CHRNA3: variants seen among roughly 807,000 people sequenced by gnomAD.
CHRNA3 encodes neuronal acetylcholine receptor subunit alpha-3.
A neutral mutation model predicts 41.9 loss-of-function variants in CHRNA3; 34 were observed. The observed-to-expected ratio is 0.81, with a 90% CI of 0.62 to 1.08. The LOEUF (loss-of-function observed/expected upper bound fraction) is 1.08, where lower values mean the gene tolerates loss of function less well. Among genes scored for constraint, CHRNA3 ranks in the 50% least tolerant of loss-of-function variants. The pLI is 0.00. For synonymous variants in CHRNA3, 281 were observed against 265.2 expected (o/e 1.06, Z -0.58); for missense variants, 542 against 638.3 (o/e 0.85, Z 1.63).
Position 78,617,136 on chromosome 15 carries a change from C to G in CHRNA3, c.268-3G>C. On this transcript the variant is annotated splice_polypyrimidine_tract_variant and splice_region_variant and intron_variant, in intron 3 of 5. Transcript: ENST00000326828. ...TTCAGCTTGTAGTCATTCCAGATCT[C>G]GGGGAAGGAAGCAGGGAGGGAGAAG... The G allele has an allele frequency of 6.3e-7, 1 of 1,595,900 alleles. No homozygotes were observed. Among genetic ancestry groups the G allele is most frequent in the Non-Finnish European group, 8.6e-7 (1 of 1,164,028 alleles).
intron 4 of CHRNA3, among the ~76,000 whole-genome samples, chr15:78,607,721 G>A (rs992368269): frequency 3.3e-5 from 5 of 152,230 alleles, no homozygotes; most frequent in African/African-American, 1.2e-4. Flanking sequence ...GACAGTGGGT[G>A]CAGGATAGTG....
chr15:78,620,826 C>T lies in CHRNA3; in HGVS notation c.-32G>A. 1.5e-6 allele frequency: 2 copies of T among 1,348,020 alleles called. No homozygotes were observed. Among genetic ancestry groups the T allele is most frequent in the Non-Finnish European group, 1.9e-6 (2 of 1,059,620 alleles). 83.5% of individuals were successfully genotyped at this position (1,348,020 alleles called of 1,614,324 possible). On this transcript the variant is annotated 5_prime_UTR_variant, in exon 1 of 6. Transcript: ENST00000326828. ...TGGCCGGGCTGGCCGCGGACCCGGA[C>T]GGTCGGGAGCGGGCGCGGCGGTCGC...
At chr15:78,598,742 G>T (rs1315566453) in intron 5 of CHRNA3, among the ~76,000 whole-genome samples, 1 of 152,008 alleles carries the variant, frequency 6.6e-6, no homozygotes. Flanking sequence ...TTTTATGTTG[G>T]CCAGGCTGGT....
chr15:78,601,030 T>A (rs1185487191), intron 5 of CHRNA3, among the ~76,000 whole-genome samples: 1 of 152,028 alleles, frequency 6.6e-6, no homozygotes, highest in Non-Finnish European at 1.5e-5. Context: ...GTGGCTAGCT[T>A]CAGGGTACCA....
intron 4 of CHRNA3, among the ~76,000 whole-genome samples, chr15:78,604,794 C>T (rs1197182616): frequency 2.0e-5 from 3 of 152,178 alleles, no homozygotes; most frequent in African/African-American, 7.2e-5. Context: ...GGGCAGATCA[C>T]CTGAGGTCAG....
intron 3 of CHRNA3, chr15:78,618,320 G>A (rs2053496330): frequency 2.7e-6 from 1 of 372,012 alleles, no homozygotes; most frequent in Non-Finnish European, 4.9e-6. Flanking sequence ...TTGGGGGCAG[G>A]GCTTCAATCT....
At chr15:78,601,036 T>A (rs1474218814) in intron 5 of CHRNA3, among the ~76,000 whole-genome samples, 1 of 151,976 alleles carries the variant, frequency 6.6e-6, no homozygotes, top group Admixed American at 6.6e-5. Context: ...AGCTTCAGGG[T>A]ACCACATACC....
intron 4 of CHRNA3, among the ~76,000 whole-genome samples, chr15:78,608,790 A>G (rs1170004987): frequency 1.3e-5 from 2 of 152,094 alleles, no homozygotes; most frequent in Non-Finnish European, 2.9e-5. Flanking sequence ...TCCAAGCTAC[A>G]GGAGGAAATT....
At chr15:78,615,806 A>T (rs1459351456) in intron 4 of CHRNA3, among the ~76,000 whole-genome samples, 1 of 130,868 alleles carries the variant, frequency 7.6e-6, no homozygotes, top group Non-Finnish European at 1.5e-5. Context: ...CAGTGGTGTG[A>T]TCTAGGTCAC....
At chr15:78,603,087 C>A (rs1351395097) in intron 4 of CHRNA3, among the ~76,000 whole-genome samples, 1 of 152,184 alleles carries the variant, frequency 6.6e-6, no homozygotes, top group Non-Finnish European at 1.5e-5. Flanking sequence ...TGCAGTAGCT[C>A]ACTACAATCT....
At chr15:78,608,768 C>T (rs1195912866) in intron 4 of CHRNA3, among the ~76,000 whole-genome samples, 10 of 151,856 alleles carry the variant, frequency 6.6e-5, no homozygotes, top group African/African-American at 2.2e-4. Context: ...AGGCTCCAGA[C>T]GACCAAAATA....
At chr15:78,608,023 G>T (rs2053322223) in intron 4 of CHRNA3, among the ~76,000 whole-genome samples, 1 of 152,212 alleles carries the variant, frequency 6.6e-6, no homozygotes, top group African/African-American at 2.4e-5. Context: ...GCTGGGGGAG[G>T]GGCGCCTGCC....
At chr15:78,611,966 A>G (rs941471345) in intron 4 of CHRNA3, among the ~76,000 whole-genome samples, 11 of 152,332 alleles carry the variant, frequency 7.2e-5, no homozygotes, top group African/African-American at 2.4e-4. Flanking sequence ...ACCATTCACA[A>G]TTGCTTCAAA....
At chr15:78,611,713 C>A (rs1454278257) in intron 4 of CHRNA3, among the ~76,000 whole-genome samples, 1 of 151,692 alleles carries the variant, frequency 6.6e-6, no homozygotes, top group African/African-American at 2.4e-5. Flanking sequence ...GTTGGAAGTT[C>A]TGGCCAGGGC....
At position 78,595,835 on chromosome 15, in the gene CHRNA3, A is replaced by AT. The variant is rs1240358702; in HGVS notation, c.*768dup. 1 of 154,160 alleles carries AT rather than the reference A, an allele frequency of 6.5e-6. No homozygotes were observed. Among genetic ancestry groups the AT allele is most frequent in the Non-Finnish European group, 1.4e-5 (1 of 69,970 alleles). 9.5% of individuals were successfully genotyped at this position (154,160 alleles called of 1,614,324 possible). ...TGAATGGGGTTAGTGCCCTTATAAA[A>AT]TAGACCCCACAGAGATAGCTAGTCC... On this transcript the variant is annotated 3_prime_UTR_variant, in exon 6 of 6. Transcript: ENST00000326828.
intron 4 of CHRNA3, among the ~76,000 whole-genome samples, chr15:78,614,883 T>TA (rs1014764924): frequency 2.6e-5 from 4 of 152,216 alleles, no homozygotes; most frequent in Non-Finnish European, 5.9e-5. Flanking sequence ...TGTGTGGACT[T>TA]AGAGAAAAGG....
chr15:78,611,396 G>C (rs2053377301), intron 4 of CHRNA3, among the ~76,000 whole-genome samples: 1 of 151,040 alleles, frequency 6.6e-6, no homozygotes, highest in Non-Finnish European at 1.5e-5. Flanking sequence ...TTCATCCCTG[G>C]GATGCAAGGC....
rs2053540866 is a variant in CHRNA3, at chr15:78,620,869, G to A, written c.-75C>T. 4 of 1,316,768 alleles carry A rather than the reference G, an allele frequency of 3.0e-6. No homozygotes were observed. The highest frequency in any genetic ancestry group is 4.3e-5 in the South Asian group (2 of 46,048). 81.6% of individuals were successfully genotyped at this position (1,316,768 alleles called of 1,614,324 possible). A position where few individuals can be genotyped will look rare whatever the true frequency, so the allele number is the denominator to read the frequency against. On this transcript the variant is annotated 5_prime_UTR_variant, in exon 1 of 6. Transcript: ENST00000326828. Reference sequence around the variant, plus strand: ...GCGGTCGCAGAGACGGCCTCTCCCCGCGCGGCTCCAGCGCAGACCCCAGAC... The same window carrying A: ...GCGGTCGCAGAGACGGCCTCTCCCCACGCGGCTCCAGCGCAGACCCCAGAC...
chr15:78,609,683 TC>T (rs1395339834), intron 4 of CHRNA3, among the ~76,000 whole-genome samples: 1 of 151,972 alleles, frequency 6.6e-6, no homozygotes, highest in East Asian at 1.9e-4. Flanking sequence ...ACGAGCAAAA[TC>T]ACCAGCTAAC....
Sources: gnomAD v4.1 joint callset for allele counts (sites outside exome capture counted in the v4.1 genomes callset) on GRCh38, gnomAD v4.1.1 for gene constraint, MANE v1.5 for transcripts, NCBI Gene and HGNC (gene_info 2026-07-23, HGNC 2026-07-21) for gene names.